QKI: variants seen among roughly 807,000 people sequenced by gnomAD.
QKI encodes the protein QKI, KH domain containing RNA binding.
QKI carries 10 observed loss-of-function variants against 39.0 expected under a neutral mutation model. The observed-to-expected ratio is 0.26, with a 90% CI of 0.16 to 0.43. The LOEUF (loss-of-function observed/expected upper bound fraction) is 0.43, where lower values mean the gene tolerates loss of function less well. QKI is among the 20% of genes least tolerant of loss of function. QKI has a pLI of 1.00. For synonymous variants in QKI, 204 were observed against 155.4 expected (o/e 1.31, Z -2.33); for missense variants, 218 against 428.0 (o/e 0.51, Z 4.33).
intron 3 of QKI, among the ~76,000 whole-genome samples, chr6:163,506,834 A>G (rs760813083): frequency 6.6e-6 from 1 of 152,204 alleles, no homozygotes; most frequent in Non-Finnish European, 1.5e-5. Context: ...ATTTTCATAC[A>G]TAAGTACACC....
At chr6:163,501,897 C>G (rs1377654782) in intron 3 of QKI, among the ~76,000 whole-genome samples, 1 of 152,118 alleles carries the variant, frequency 6.6e-6, no homozygotes, top group Non-Finnish European at 1.5e-5. Flanking sequence ...TTTATTTTTT[C>G]CAGCTGTTTG....
In QKI at chr6:163,571,815, C is replaced by T. The variant is rs1379024720; in HGVS notation, c.*1105C>T. On this transcript the variant is annotated 3_prime_UTR_variant, in exon 8 of 8. Transcript: ENST00000361752. ...CAAAAGACCAAAAGAGCCTTTTTGT[C>T]TTTCTTTTTTATTTTTTAAGTATTG... The T allele has an allele frequency of 1.3e-5, 2 of 151,616 alleles. No individual in the cohort carries two copies. Among genetic ancestry groups the T allele is most frequent in the Admixed American group, 6.6e-5 (1 of 15,236 alleles). 9.4% of individuals were successfully genotyped at this position (151,616 alleles called of 1,614,324 possible). A position where few individuals can be genotyped will look rare whatever the true frequency, so the allele number is the denominator to read the frequency against.
chr6:163,488,973 CTT>C (rs767477914), intron 3 of QKI, among the ~76,000 whole-genome samples: 18 of 122,104 alleles, frequency 1.5e-4, no homozygotes, highest in African/African-American at 3.3e-4. Flanking sequence ...CCTTCCATTT[CTT>C]TTTTTTTTTT....
rs186373132 is a variant in QKI at position 163,459,741 on chromosome 6, A to G, written c.285+4320A>G. On this transcript the variant is annotated intron_variant, in intron 2 of 7. Transcript: ENST00000361752. ...CACTCTGTGGTTTTTGTGATTACAC[A>G]TAAGAAAAATAATCCTGTTCTTGAA... Among the ~76,000 whole-genome samples, 321 of 152,230 alleles carry G rather than the reference A, an allele frequency of 2.1e-3. 2 individuals are homozygous for G. Among genetic ancestry groups the G allele is most frequent in the Non-Finnish European group, 3.8e-3 (261 of 68,036 alleles).
intron 1 of QKI, among the ~76,000 whole-genome samples, chr6:163,442,307 T>C (rs1489003251): frequency 6.6e-6 from 1 of 152,214 alleles, no homozygotes; most frequent in African/African-American, 2.4e-5. Context: ...AAAAAATAAT[T>C]TAAACATTTT....
chr6:163,467,054 A>AAAG (rs1491327415), intron 2 of QKI, among the ~76,000 whole-genome samples: 2 of 150,844 alleles, frequency 1.3e-5, no homozygotes, highest in African/African-American at 4.9e-5. Context: ...AAAAAAAAAA[A>AAAG]TGACATCACC....
At chr6:163,438,706 G>A (rs1204465603) in intron 1 of QKI, among the ~76,000 whole-genome samples, 1 of 152,006 alleles carries the variant, frequency 6.6e-6, no homozygotes, top group African/African-American at 2.4e-5. Context: ...AATGGGGCTT[G>A]CAGGACTGGA....
chr6:163,453,958 ATAAC>A (rs1454071236), intron 1 of QKI, among the ~76,000 whole-genome samples: 3 of 152,194 alleles, frequency 2.0e-5, no homozygotes, highest in African/African-American at 7.2e-5. Context: ...ACTGATTTAA[ATAAC>A]TAGTTAGAAA....
chr6:163,522,649 G>A (rs1001536368), intron 3 of QKI, among the ~76,000 whole-genome samples: 8 of 152,110 alleles, frequency 5.3e-5, no homozygotes, highest in African/African-American at 1.4e-4. Flanking sequence ...TAAGTGTTTA[G>A]CATTGTGGTA....
intron 2 of QKI, chr6:163,457,634 A>ATT (rs375211921): frequency 4.4e-3 from 1,188 of 269,238 alleles, no homozygotes; most frequent in South Asian, 7.4e-3. Context: ...CACTCCTCTA[A>ATT]TTTTTTTTTT....
chr6:163,431,315 A>G (rs1788812684), intron 1 of QKI, among the ~76,000 whole-genome samples: 1 of 152,236 alleles, frequency 6.6e-6, no homozygotes, highest in Non-Finnish European at 1.5e-5. Context: ...AATTTTGTCT[A>G]ACTCAAATGC....
chr6:163,482,286 G>A (rs367700777), intron 3 of QKI, among the ~76,000 whole-genome samples: 1 of 152,116 alleles, frequency 6.6e-6, no homozygotes, highest in Non-Finnish European at 1.5e-5. Flanking sequence ...AGACATACTA[G>A]AACAACTTGA....
intron 3 of QKI, among the ~76,000 whole-genome samples, chr6:163,529,969 T>A (rs1238266649): frequency 6.6e-6 from 1 of 152,178 alleles, no homozygotes; most frequent in Non-Finnish European, 1.5e-5. Flanking sequence ...TAGTTGGCAG[T>A]TGAATTTGGA....
rs118090748 is a variant in QKI, at chr6:163,540,945, T to C, written c.546+5820T>C. ...AATTTTATCAACCGTTTTCTAAGTA[T>C]CAGCTTTTGGTTTTGTTGATTTTTC... On this transcript the variant is annotated intron_variant, in intron 4 of 7. Transcript: ENST00000361752. Among the ~76,000 whole-genome samples, 16 of 152,154 alleles carry C rather than the reference T, an allele frequency of 1.1e-4. No homozygotes were observed. The East Asian group carries it at 3.1e-3, about 29-fold the overall frequency.
At chr6:163,440,790 C>G (rs1275705889) in intron 1 of QKI, among the ~76,000 whole-genome samples, 2 of 151,864 alleles carry the variant, frequency 1.3e-5, no homozygotes, top group African/African-American at 4.8e-5. Context: ...TGGCCAGTGC[C>G]TGGTACAGAG....
In QKI at chr6:163,560,267, T is replaced by G. The variant is rs528819985; in HGVS notation, c.547-1715T>G. Among the ~76,000 whole-genome samples, 4 of 152,288 alleles carry G rather than the reference T, an allele frequency of 2.6e-5. No individual in the cohort carries two copies. In the South Asian group the frequency reaches 8.3e-4, roughly 32 times the overall value. ...GAAGCAATTAACTTTGTCGATAGGT[T>G]CTTGGAGATACAACTTTAAACAAAA... is the stretch of plus-strand genomic sequence containing the variant. On this transcript the variant is annotated intron_variant, in intron 4 of 7. Coordinates refer to ENST00000361752, the MANE Select transcript of QKI (RefSeq NM_006775.3).
Position 163,577,756 on chromosome 6 carries a change from C to A in QKI, c.*7046C>A, listed in dbSNP as rs1777661684. On this transcript the variant is annotated 3_prime_UTR_variant, in exon 8 of 8. Coordinates refer to ENST00000361752, the MANE Select transcript of QKI (RefSeq NM_006775.3). ...CTTCTCAAAAGGGGTGACATAAAAT[C>A]AGTTTTGATGTTTTTCCTCCTGAAA... 2 of 152,160 alleles carry A rather than the reference C, an allele frequency of 1.3e-5. No homozygotes were observed. The highest frequency in any genetic ancestry group is 4.1e-4 in the South Asian group (2 of 4,832). 9.4% of individuals were successfully genotyped at this position (152,160 alleles called of 1,614,324 possible). A position where few individuals can be genotyped will look rare whatever the true frequency, so the allele number is the denominator to read the frequency against.
rs114463988 is a variant in QKI at position 163,523,642 on chromosome 6, C to T, written c.403-11340C>T. On this transcript the variant is annotated intron_variant, in intron 3 of 7. Transcript: ENST00000361752. ...AGTATATTTGTATTTGACATGATTT[C>T]ATTTGTAGAATTCAGAGCTACTTTG... Among the ~76,000 whole-genome samples the T allele has an allele frequency of 4.7e-3, 714 of 152,196 alleles. 8 individuals are homozygous for T. Among genetic ancestry groups the T allele is most frequent in the African/African-American group, 0.016 (668 of 41,510 alleles).
chr6:163,522,190 CAT>C (rs1024489533), intron 3 of QKI, among the ~76,000 whole-genome samples: 3 of 152,128 alleles, frequency 2.0e-5, no homozygotes, highest in Non-Finnish European at 4.4e-5. Flanking sequence ...AGTCAACCCT[CAT>C]ATGTGCTTTT....
Sources: allele counts gnomAD v4.1 joint callset (sites outside exome capture counted in the v4.1 genomes callset), GRCh38; gene constraint gnomAD v4.1.1; transcripts MANE v1.5; gene names NCBI Gene and HGNC (gene_info 2026-07-23, HGNC 2026-07-21).